The following FAM47B variants were observed in gnomAD, a reference collection of about 807,000 sequenced individuals.
The protein encoded by FAM47B is protein FAM47B.
For missense variants in FAM47B, 581 were observed against 550.1 expected, an observed-to-expected ratio of 1.06 and a Z score of -0.56; for synonymous variants, 247 against 215.8, an observed-to-expected ratio of 1.14 and a Z score of -1.27.
Position 34,943,118 on chromosome X carries a change from A to G in FAM47B, c.287A>G (p.Lys96Arg). ...PQADRKSRKKKLLKKAALFSE... is the reference protein window; with the variant it reads ...PQADRKSRKKRLLKKAALFSE... ...GCTGACCGCAAAAGCAGGAAGAAAA[A>G]GCTGCTCAAGAAAGCGGCCCTATTT... The change falls in exon 1 of 1, where the codon AAG becomes AGG. Residue 96 changes from lysine (K) to arginine (R), a missense_variant. Coordinates refer to ENST00000329357, the MANE Select transcript of FAM47B (RefSeq NM_152631.3). 1 of 1,211,873 alleles carries G rather than the reference A, an allele frequency of 8.3e-7. No individual in the cohort carries two copies. The highest frequency in any genetic ancestry group is 1.8e-5 in the South Asian group (1 of 56,976).
Position 34,943,400 on chromosome X carries a change from G to A in FAM47B, c.569G>A (p.Arg190Gln), listed in dbSNP as rs1256957584. 15 of 1,208,053 alleles carry A rather than the reference G, an allele frequency of 1.2e-5. No individual in the cohort carries two copies. The highest frequency in any genetic ancestry group is 8.8e-5 in the African/African-American group (5 of 56,537). The change falls in exon 1 of 1, where the codon CGG becomes CAG. Residue 190 changes from arginine to glutamine, a missense_variant. By Grantham distance (43) the Arg-to-Gln change is conservative. Coordinates refer to ENST00000329357, the MANE Select transcript of FAM47B (RefSeq NM_152631.3). ...GKYPCGESCP[R>Q]PPETPVSRLR... ...TATCCCTGTGGGGAATCCTGCCCGCGGCCTCCCGAGACTCCGGTGTCCCGT... is the reference window on the plus strand; with the variant it reads ...TATCCCTGTGGGGAATCCTGCCCGCAGCCTCCCGAGACTCCGGTGTCCCGT...
rs1602053152 is a variant in FAM47B, at chrX:34,944,797, G to C, written c.*28G>C. The stretch of plus-strand genomic sequence containing the variant: ...GGTTTTCAATTTACTGCTTAATTGG[G>C]TATTTCTTGCTCTCATTCTAAACAT... On this transcript the variant is annotated 3_prime_UTR_variant, in exon 1 of 1. Coordinates refer to ENST00000329357, the MANE Select transcript of FAM47B (RefSeq NM_152631.3). 1 of 1,128,832 alleles carries C rather than the reference G, an allele frequency of 8.9e-7. No homozygotes were observed. Among genetic ancestry groups the C allele is most frequent in the Non-Finnish European group, 1.2e-6 (1 of 854,498 alleles). 93.0% of individuals were successfully genotyped at this position (1,128,832 alleles called of 1,213,427 possible).
chrX:34,943,713 T>C lies in FAM47B; in HGVS notation c.882T>C (p.His294=), dbSNP rs750279646. 4 of 1,204,633 alleles carry C rather than the reference T, an allele frequency of 3.3e-6. No individual in the cohort carries two copies. The highest frequency in any genetic ancestry group is 4.5e-6 in the Non-Finnish European group (4 of 893,733). Residue 294 remains histidine (H), a synonymous_variant, in exon 1 of 1, where the codon CAT becomes CAC. Coordinates refer to ENST00000329357, the MANE Select transcript of FAM47B (RefSeq NM_152631.3). ...CPEPPETRVS[H]LHPEPPETGV... is the part of the protein sequence containing the mutation. ...AGCCTCCCGAGACTCGCGTATCTCA[T>C]CTCCACCCGGAGCCTCCTGAGACTG... is the stretch of plus-strand genomic sequence containing the variant.
At position 34,943,916 on chromosome X, in the gene FAM47B, C is replaced by A. The variant is rs745375350; in HGVS notation, c.1085C>A (p.Ala362Asp). The A allele has an allele frequency of 1.8e-5, 22 of 1,211,459 alleles. No individual in the cohort carries two copies. Among genetic ancestry groups the A allele is most frequent in the Non-Finnish European group, 2.1e-5 (19 of 895,511 alleles). Reference protein sequence around the residue: ...DSEKKLEDARARCEGQEMTTE... With the variant: ...DSEKKLEDARDRCEGQEMTTE... The stretch of plus-strand genomic sequence containing the variant: ...GAGAAGAAGCTGGAAGACGCACGGG[C>A]TCGTTGTGAGGGCCAGGAGATGACA... The change falls in exon 1 of 1, where the codon GCT becomes GAT. Residue 362 changes from alanine to aspartate, a missense_variant. Ala to Asp is a moderately radical substitution (Grantham distance 126, BLOSUM62 -2). Coordinates refer to ENST00000329357, the MANE Select transcript of FAM47B (RefSeq NM_152631.3).
In FAM47B at chrX:34,943,753, C is replaced by T. The variant is rs779361808; in HGVS notation, c.922C>T (p.Arg308Cys). Residue 308 changes from arginine to cysteine, a missense_variant, in exon 1 of 1, where the codon CGC becomes TGC. Physicochemically the swap from Arg to Cys is radical, Grantham distance 180. Coordinates refer to ENST00000329357, the MANE Select transcript of FAM47B (RefSeq NM_152631.3). The stretch of plus-strand genomic sequence containing the variant: ...TCCTGAGACTGGAGTGTCCCATCTC[C>T]GCCCAGAGCCTTCCAAGACTCAGGT... ...EPPETGVSHL[R>C]PEPSKTQVSS... 12 of 1,208,606 alleles carry T rather than the reference C, an allele frequency of 9.9e-6. No homozygotes were observed. The highest frequency in any genetic ancestry group is 3.5e-5 in the South Asian group (2 of 56,756).
In FAM47B at chrX:34,943,811, G is replaced by T; in HGVS notation, c.980G>T (p.Gly327Val). 1.7e-6 allele frequency: 2 copies of T among 1,210,895 alleles called. No homozygotes were observed. Among genetic ancestry groups the T allele is most frequent in the Non-Finnish European group, 1.1e-6 (1 of 895,349 alleles). Residue 327 changes from glycine (G) to valine (V), a missense_variant, in exon 1 of 1, where the codon GGA (glycine) becomes GTA (valine). Gly to Val is a moderately radical substitution (Grantham distance 109). Coordinates refer to ENST00000329357, the MANE Select transcript of FAM47B (RefSeq NM_152631.3). ...CTCTGCCCGGAGCCTCCCGAGGCTG[G>T]AGTGTCCCATCTCTGCCTGGAACCT... Reference protein sequence around the residue: ...SSLCPEPPEAGVSHLCLEPPN... With the variant: ...SSLCPEPPEAVVSHLCLEPPN...
Position 34,944,636 on chromosome X carries a change from G to T in FAM47B, c.1805G>T (p.Arg602Ile). The part of the protein sequence containing the change: ...FKDFILSKGY[R>I]MPGVIEKLFA... ...GATTTCATTCTAAGCAAGGGCTACA[G>T]AATGCCTGGCGTCATTGAAAAGCTG... Residue 602 changes from arginine (R) to isoleucine (I), a missense_variant, in exon 1 of 1, where the codon AGA becomes ATA. Arg to Ile is a moderately conservative substitution (Grantham distance 97). Coordinates refer to ENST00000329357, the MANE Select transcript of FAM47B (RefSeq NM_152631.3). 8.3e-7 allele frequency: 1 copy of T among 1,211,855 alleles called. No individual in the cohort carries two copies. Among genetic ancestry groups the T allele is most frequent in the Non-Finnish European group, 1.1e-6 (1 of 895,510 alleles).
At position 34,944,687 on chromosome X, in the gene FAM47B, A is replaced by G. The variant is rs1926857847; in HGVS notation, c.1856A>G (p.Asp619Gly). The change falls in exon 1 of 1, where the codon GAC becomes GGC. Residue 619 changes from aspartate (D) to glycine (G), a missense_variant. Coordinates refer to ENST00000329357, the MANE Select transcript of FAM47B (RefSeq NM_152631.3). ...KLFAKKGWTY[D>G]SVKTPIQRAV... Reference sequence around the variant, plus strand: ...TTTGCCAAGAAGGGATGGACTTACGACTCTGTTAAGACTCCTATTCAACGT... The same window carrying G: ...TTTGCCAAGAAGGGATGGACTTACGGCTCTGTTAAGACTCCTATTCAACGT... 1 of 1,208,205 alleles carries G rather than the reference A, an allele frequency of 8.3e-7. No individual in the cohort carries two copies. The highest frequency in any genetic ancestry group is 1.8e-5 in the African/African-American group (1 of 57,062).
rs755619894 is a variant in FAM47B at position 34,944,402 on chromosome X, G to C, written c.1571G>C (p.Arg524Pro). ...LDDMDEVEFL[R>P]IKYWDRRRRA... ...GACATGGATGAGGTCGAATTCTTAC[G>C]GATAAAATACTGGGACAGGAGACGC... Residue 524 changes from arginine (R) to proline (P), a missense_variant, in exon 1 of 1, where the codon CGG becomes CCG. Arg to Pro is a moderately radical substitution (Grantham distance 103). Transcript: ENST00000329357. The C allele has an allele frequency of 8.3e-7, 1 of 1,210,068 alleles. No individual in the cohort carries two copies. The highest frequency in any genetic ancestry group is 2.2e-5 in the Admixed American group (1 of 45,759).
chrX:34,943,868 T>G lies in FAM47B; in HGVS notation c.1037T>G (p.Leu346Arg), dbSNP rs368347055. 37 of 1,207,345 alleles carry G rather than the reference T, an allele frequency of 3.1e-5. No homozygotes were observed. Among genetic ancestry groups the G allele is most frequent in the Non-Finnish European group, 3.8e-5 (34 of 894,604 alleles). The change falls in exon 1 of 1, where the codon CTA becomes CGA. Residue 346 changes from leucine to arginine, a missense_variant. Leu to Arg is a moderately radical substitution (Grantham distance 102). Transcript: ENST00000329357. ...ACTCATCGGGTGTCCAGTTTCCTAC[T>G]ACAGGTGCTGAAACTGGATTCTGAG... ...PNTHRVSSFL[L>R]QVLKLDSEKK...
In FAM47B at chrX:34,943,960, C is replaced by G; in HGVS notation, c.1129C>G (p.Pro377Ala). The change falls in exon 1 of 1, where the codon CCT becomes GCT. Residue 377 changes from proline (P) to alanine (A), a missense_variant. By Grantham distance (27) the Pro-to-Ala change is conservative (BLOSUM62 -1). Coordinates refer to ENST00000329357, the MANE Select transcript of FAM47B (RefSeq NM_152631.3). ...QEMTTEELTK[P>A]GKYHFWESCP... The stretch of plus-strand genomic sequence containing the variant: ...GATGACAACCGAGGAACTCACCAAG[C>G]CTGGTAAATACCATTTTTGGGAATC... The G allele has an allele frequency of 1.7e-6, 2 of 1,210,986 alleles. No individual in the cohort carries two copies. The highest frequency in any genetic ancestry group is 2.2e-6 in the Non-Finnish European group (2 of 895,351).
chrX:34,943,174 A>T lies in FAM47B; in HGVS notation c.343A>T (p.Lys115Ter). The T allele has an allele frequency of 2.5e-6, 3 of 1,211,533 alleles. No homozygotes were observed. In the East Asian group the frequency reaches 8.9e-5, roughly 36 times the overall value. Reference sequence around the variant, plus strand: ...GCTCTCGCCAGTACAGCCAGCACGGAAGGCGTTCGTAGAGGAAGTGGAAGC... The same window carrying T: ...GCTCTCGCCAGTACAGCCAGCACGGTAGGCGTTCGTAGAGGAAGTGGAAGC... ...SELSPVQPAR[K>*]AFVEEVEAQL... Residue 115 changes from lysine (K) to a stop codon, truncating the protein, a stop_gained, in exon 1 of 1, where the codon AAG becomes TAG. Coordinates refer to ENST00000329357, the MANE Select transcript of FAM47B (RefSeq NM_152631.3). LOFTEE classifies it low-confidence loss of function (END_TRUNC).
rs1375815818 is a variant in FAM47B at position 34,943,963 on chromosome X, G to A, written c.1132G>A (p.Gly378Ser). Reference sequence around the variant, plus strand: ...GACAACCGAGGAACTCACCAAGCCTGGTAAATACCATTTTTGGGAATCCTG... The same window carrying A: ...GACAACCGAGGAACTCACCAAGCCTAGTAAATACCATTTTTGGGAATCCTG... ...EMTTEELTKP[G>S]KYHFWESCPR... The change falls in exon 1 of 1, where the codon GGT becomes AGT. Residue 378 changes from glycine (G) to serine (S), a missense_variant. By Grantham distance (56) the Gly-to-Ser change is moderately conservative. Coordinates refer to ENST00000329357, the MANE Select transcript of FAM47B (RefSeq NM_152631.3). 1 of 1,211,126 alleles carries A rather than the reference G, an allele frequency of 8.3e-7. No individual in the cohort carries two copies.
Position 34,944,907 on chromosome X carries a change from T to G in FAM47B, c.*138T>G. 1 of 645,337 alleles carries G rather than the reference T, an allele frequency of 1.5e-6. No individual in the cohort carries two copies. Among genetic ancestry groups the G allele is most frequent in the African/African-American group, 2.2e-5 (1 of 45,187 alleles). 53.2% of individuals were successfully genotyped at this position (645,337 alleles called of 1,213,427 possible). A position where few individuals can be genotyped will look rare whatever the true frequency, so the allele number is the denominator to read the frequency against. On this transcript the variant is annotated 3_prime_UTR_variant, in exon 1 of 1. Transcript: ENST00000329357. ...TCAATACCCAATGCTTATAAATATGTCTTAATGACCTGCTTTGGCCTCATT... is the reference window on the plus strand; with the variant it reads ...TCAATACCCAATGCTTATAAATATGGCTTAATGACCTGCTTTGGCCTCATT...
Position 34,944,322 on chromosome X carries a change from G to T in FAM47B, c.1491G>T (p.Lys497Asn), listed in dbSNP as rs1200988531. The change falls in exon 1 of 1, where the codon AAG becomes AAT. Residue 497 changes from lysine (K) to asparagine (N), a missense_variant. Physicochemically the swap from Lys to Asn is moderately conservative, Grantham distance 94. Transcript: ENST00000329357. Reference protein sequence around the residue: ...PECRTTDQDQKIKKANECASR... With the variant: ...PECRTTDQDQNIKKANECASR... The stretch of plus-strand genomic sequence containing the variant: ...GCAGAACAACCGATCAAGACCAAAA[G>T]ATTAAGAAGGCAAACGAGTGTGCTT... 8.3e-7 allele frequency: 1 copy of T among 1,211,889 alleles called. No homozygotes were observed. The highest frequency in any genetic ancestry group is 2.2e-5 in the Admixed American group (1 of 46,018).
rs1356143225 is a variant in FAM47B, at chrX:34,944,024, G to A, written c.1193G>A (p.Arg398His). Residue 398 changes from arginine to histidine, a missense_variant, in exon 1 of 1, where the codon CGC becomes CAC. By Grantham distance (29) the Arg-to-His change is conservative (BLOSUM62 0). Transcript: ENST00000329357. ...TTTGAGAGTCGGATGCCCCATCTCC[G>A]CCTGGTGCTTCCCATAACTCGTCGA... is the stretch of plus-strand genomic sequence containing the variant. ...RPFESRMPHL[R>H]LVLPITRRMA... 47 of 1,208,492 alleles carry A rather than the reference G, an allele frequency of 3.9e-5. No individual in the cohort carries two copies. Among genetic ancestry groups the A allele is most frequent in the East Asian group, 8.9e-5 (3 of 33,627 alleles).
chrX:34,943,903 G>A lies in FAM47B; in HGVS notation c.1072G>A (p.Glu358Lys). The A allele has an allele frequency of 8.3e-7, 1 of 1,211,172 alleles. No homozygotes were observed. The change falls in exon 1 of 1, where the codon GAA becomes AAA. Residue 358 changes from glutamate to lysine, a missense_variant. Coordinates refer to ENST00000329357, the MANE Select transcript of FAM47B (RefSeq NM_152631.3). ...GAAACTGGATTCTGAGAAGAAGCTG[G>A]AAGACGCACGGGCTCGTTGTGAGGG... ...VLKLDSEKKL[E>K]DARARCEGQE...
rs775653720 is a variant in FAM47B, at chrX:34,943,587, C to T, written c.756C>T (p.Pro252=). ...TRASHLRVDP[P]ETGVSHLCPE... ...CATCTCATCTCCGCGTGGATCCTCC[C>T]GAGACTGGAGTGTCCCATCTCTGCC... Residue 252 remains proline (P), a synonymous_variant, in exon 1 of 1, where the codon CCC becomes CCT. Transcript: ENST00000329357. 7 of 1,206,924 alleles carry T rather than the reference C, an allele frequency of 5.8e-6. No individual in the cohort carries two copies. Among genetic ancestry groups the T allele is most frequent in the African/African-American group, 3.6e-5 (2 of 56,107 alleles).
Position 34,944,758 on chromosome X carries a change from A to G in FAM47B, c.1927A>G (p.Lys643Glu), listed in dbSNP as rs777326686. The change falls in exon 1 of 1, where the codon AAA (lysine) becomes GAA (glutamate). Residue 643 changes from lysine (K) to glutamate (E), a missense_variant. By Grantham distance (56) the Lys-to-Glu change is moderately conservative (BLOSUM62 1). Coordinates refer to ENST00000329357, the MANE Select transcript of FAM47B (RefSeq NM_152631.3). ...CAAAGAAGACGTCACAGATGCATCA[A>G]AAGAAGATTAGATGGTTTTCAATTT... Reference protein sequence around the residue: ...KYKEDVTDASKED With the variant: ...KYKEDVTDASEED The G allele has an allele frequency of 2.6e-6, 3 of 1,152,440 alleles. No individual in the cohort carries two copies. In the African/African-American group the frequency reaches 5.5e-5, roughly 21 times the overall value. The allele number at this position is 1,152,440 out of a possible 1,213,427, so 95.0% of individuals were successfully genotyped here.
Sources: allele counts gnomAD v4.1 joint callset, GRCh38; gene constraint gnomAD v4.1.1; transcripts MANE v1.5; gene names NCBI Gene and HGNC (gene_info 2026-07-23, HGNC 2026-07-21).